Variants in DNAH9 observed in about 807,000 individuals in gnomAD.
DNAH9 encodes dynein axonemal heavy chain 9, also known as DNAH9 variant protein.
A neutral mutation model predicts 471.6 loss-of-function variants in DNAH9; 345 were observed. The observed-to-expected ratio is 0.73, with a 90% confidence interval of 0.67 to 0.80. The LOEUF is 0.80. DNAH9 is among the 30% of genes least tolerant of loss of function. DNAH9 has a pLI of 0.00. For synonymous variants in DNAH9, 2,093 were observed against 2,123.6 expected (o/e 0.99, Z 0.40); for missense variants, 5,407 against 5,609.2 (o/e 0.96, Z 1.15).
chr17:11,757,716 A>G, intron 35 of DNAH9, 24 bp downstream of exon 35: 2 of 1,612,054 alleles, frequency 1.2e-6, no homozygotes, highest in Non-Finnish European at 1.7e-6. Flanking sequence ...CAAGGAAGAT[A>G]GAGAGTTAAA....
intron 35 of DNAH9, among the ~76,000 whole-genome samples, chr17:11,761,610 C>G (rs1967669098): frequency 1.3e-5 from 2 of 152,178 alleles, no homozygotes; most frequent in South Asian, 4.1e-4. Flanking sequence ...CCAGGAGATG[C>G]TTGCCCCTTC....
intron 61 of DNAH9, among the ~76,000 whole-genome samples, chr17:11,913,231 G>A (rs1973843652): frequency 1.3e-5 from 2 of 152,308 alleles, no homozygotes; most frequent in Non-Finnish European, 2.9e-5. Context: ...GTAGAATTCA[G>A]TGATGAAGCC....
At chr17:11,717,865 G>A (rs1309500807) in intron 26 of DNAH9, among the ~76,000 whole-genome samples, 6 of 152,222 alleles carry the variant, frequency 3.9e-5, no homozygotes, top group African/African-American at 1.4e-4. Flanking sequence ...TCATATCAAT[G>A]GAATGACAAC....
At chr17:11,630,697 C>A (rs1271482740) in intron 7 of DNAH9, among the ~76,000 whole-genome samples, 2 of 152,060 alleles carry the variant, frequency 1.3e-5, no homozygotes, top group Non-Finnish European at 2.9e-5. Flanking sequence ...ACATGTATCC[C>A]AGAACTTACA....
intron 26 of DNAH9, among the ~76,000 whole-genome samples, chr17:11,718,929 G>A (rs1747001919): frequency 6.6e-6 from 1 of 152,190 alleles, no homozygotes; most frequent in African/African-American, 2.4e-5. Context: ...AAAGATTAAA[G>A]AGGAACATCA....
intron 33 of DNAH9, among the ~76,000 whole-genome samples, chr17:11,753,988 C>T (rs1321129899): frequency 6.6e-6 from 1 of 152,122 alleles, no homozygotes; most frequent in Non-Finnish European, 1.5e-5. Flanking sequence ...CAAGGGGGCT[C>T]CAGTGTCCTG....
intron 65 of DNAH9, among the ~76,000 whole-genome samples, chr17:11,934,987 G>A (rs1313659699): frequency 2.0e-5 from 3 of 151,978 alleles, no homozygotes; most frequent in African/African-American, 7.3e-5. Flanking sequence ...TTTATGAGAC[G>A]GAGTCTTGAT....
chr17:11,654,355 C>CAAAAAAAAAAAAAAAAAAA (rs527835262), intron 14 of DNAH9, among the ~76,000 whole-genome samples: 12 of 11,252 alleles, frequency 1.1e-3, no homozygotes, highest in Admixed American at 1.8e-3. Context: ...GACTCCGTCT[C>CAAAAAAAAAAAAAAAAAAA]AAAAAAAAAA....
Position 11,693,210 on chromosome 17 carries a change from G to C in DNAH9, c.4615-658G>C, listed in dbSNP as rs563317114. Among the ~76,000 whole-genome samples, 61 of 137,826 alleles carry C rather than the reference G, an allele frequency of 4.4e-4. 1 individual carries two copies. The highest frequency in any genetic ancestry group is 2.2e-4 in the Non-Finnish European group (14 of 64,768). The allele number at this position is 137,826 out of a possible 152,430, so 90.4% of individuals were successfully genotyped here. A position where few individuals can be genotyped will look rare whatever the true frequency, so the allele number is the denominator to read the frequency against. Reference sequence around the variant, plus strand: ...TTACAGGTGTGAGCCACCGCGCCCAGCTTATTATTGCTACTTTTAAAATGC... The same window carrying C: ...TTACAGGTGTGAGCCACCGCGCCCACCTTATTATTGCTACTTTTAAAATGC... On this transcript the variant is annotated intron_variant, in intron 20 of 68. Coordinates refer to ENST00000262442, the MANE Select transcript of DNAH9 (RefSeq NM_001372.4).
chr17:11,772,680 A>C (rs1968256489), intron 38 of DNAH9, among the ~76,000 whole-genome samples: 1 of 152,132 alleles, frequency 6.6e-6, no homozygotes, highest in Non-Finnish European at 1.5e-5. Flanking sequence ...CCAAAACCCA[A>C]CACTTTCTGT....
At chr17:11,855,922 C>T (rs552968501) in intron 50 of DNAH9, among the ~76,000 whole-genome samples, 2 of 152,190 alleles carry the variant, frequency 1.3e-5, no homozygotes, top group Non-Finnish European at 2.9e-5. Flanking sequence ...AGAATAGACA[C>T]AGTAATAGTA....
chr17:11,784,672 A>T (rs938373931), intron 41 of DNAH9, 133 bp downstream of exon 41: 1 of 1,319,946 alleles, frequency 7.6e-7, no homozygotes, highest in Non-Finnish European at 1.1e-6. Flanking sequence ...AATCATGAAC[A>T]TAAGCAGGTA....
At chr17:11,673,134 A>C (rs1374502354) in intron 17 of DNAH9, among the ~76,000 whole-genome samples, 1 of 152,192 alleles carries the variant, frequency 6.6e-6, no homozygotes, top group Non-Finnish European at 1.5e-5. Context: ...GTGAACATAA[A>C]ATTCAGGTAG....
intron 26 of DNAH9, among the ~76,000 whole-genome samples, chr17:11,715,249 G>T (rs1239746359): frequency 6.6e-6 from 1 of 152,116 alleles, no homozygotes; most frequent in African/African-American, 2.4e-5. Context: ...TACCTTCAAA[G>T]TCTGTCGGTT....
At chr17:11,933,762 T>C (rs1974597390) in intron 64 of DNAH9, 118 bp from the exon 65 acceptor site, 1 of 902,342 alleles carries the variant, frequency 1.1e-6, no homozygotes, top group Non-Finnish European at 1.7e-6. Context: ...GACATTGCTC[T>C]CAATCTCAAG....
chr17:11,760,496 A>G (rs1016392404), intron 35 of DNAH9, among the ~76,000 whole-genome samples: 2 of 151,918 alleles, frequency 1.3e-5, no homozygotes, highest in African/African-American at 4.8e-5. Context: ...TCTGGGTGTA[A>G]TGTCTTTTGT....
At chr17:11,944,695 C>A (rs539984400) in intron 67 of DNAH9, among the ~76,000 whole-genome samples, 7 of 152,174 alleles carry the variant, frequency 4.6e-5, no homozygotes, top group Admixed American at 2.0e-4. Flanking sequence ...GACCATCCCC[C>A]AAGCTGGCCT....
At chr17:11,663,815 G>A (rs952672577) in intron 14 of DNAH9, among the ~76,000 whole-genome samples, 3 of 152,160 alleles carry the variant, frequency 2.0e-5, no homozygotes, top group Non-Finnish European at 4.4e-5. Flanking sequence ...CTTAATACCC[G>A]AGAGAAACTC....
intron 45 of DNAH9, among the ~76,000 whole-genome samples, chr17:11,817,308 C>T (rs1032760811): frequency 5.9e-5 from 9 of 152,110 alleles, no homozygotes; most frequent in East Asian, 3.9e-4. Flanking sequence ...ATATTCCATC[C>T]GATGGTCTTC....
Sources: gnomAD v4.1 joint callset for allele counts (sites outside exome capture counted in the v4.1 genomes callset) on GRCh38, gnomAD v4.1.1 for gene constraint, MANE v1.5 for transcripts, NCBI Gene and HGNC (gene_info 2026-07-23, HGNC 2026-07-21) for gene names.